Variants in ZNHIT6 observed in about 807,000 individuals in gnomAD.
The protein encoded by ZNHIT6 is zinc finger HIT-type containing 6, also known as box C/D snoRNA protein 1.
In ZNHIT6, 45 loss-of-function variants were observed where a neutral mutation model predicts 57.2. The ratio of observed to expected loss-of-function variants is 0.79; its 90% CI spans 0.62 to 1.01. The LOEUF (loss-of-function observed/expected upper bound fraction) is 1.01, where lower values mean the gene tolerates loss of function less well. ZNHIT6 is among the 50% of genes least tolerant of loss of function. The probability of loss-of-function intolerance (pLI) is 0.00; values close to 1 mark genes in which losing one functional copy is unlikely to be tolerated. For synonymous variants in ZNHIT6, 188 were observed against 190.0 expected (o/e 0.99, Z 0.09); for missense variants, 528 against 567.3 (o/e 0.93, Z 0.70).
Position 85,650,001 on chromosome 1 carries a change from T to C in ZNHIT6, c.*4057A>G, listed in dbSNP as rs1481543660. ...TCTGTTAGTACAAATCAGAAACTTC[T>C]TGCTACTCAAATTCAAACAGGGTGC... On this transcript the variant is annotated 3_prime_UTR_variant, in exon 10 of 10. Transcript: ENST00000370574. 1 of 152,222 alleles carries C rather than the reference T, an allele frequency of 6.6e-6. No individual in the cohort carries two copies. The highest frequency in any genetic ancestry group is 1.9e-4 in the East Asian group (1 of 5,202). 9.4% of individuals were successfully genotyped at this position (152,222 alleles called of 1,614,324 possible).
chr1:85,696,312 C>A (rs543272098), intron 5 of ZNHIT6, among the ~76,000 whole-genome samples: 9 of 151,936 alleles, frequency 5.9e-5, no homozygotes, highest in Non-Finnish European at 1.3e-4. Flanking sequence ...TTAGAAACAC[C>A]AATTTAAAGT....
chr1:85,667,961 A>AAAAAAAAAAAAAAAAAAAAATGTATAT lies in ZNHIT6; in HGVS notation c.1247+9274_1247+9275insATATACATTTTTTTTTTTTTTTTTTTT. The stretch of plus-strand genomic sequence containing the variant: ...ACTCTCTCTTTCAAAAAAAAAAAAA[A>AAAAAAAAAAAAAAAAAAAAATGTATAT]ATATATATATATATATATATATATG... On this transcript the variant is annotated intron_variant, in intron 8 of 9. Transcript: ENST00000370574. Among the ~76,000 whole-genome samples the AAAAAAAAAAAAAAAAAAAAATGTATAT allele has an allele frequency of 1.6e-4, 3 of 18,202 alleles. 1 individual carries two copies. Among genetic ancestry groups the AAAAAAAAAAAAAAAAAAAAATGTATAT allele is most frequent in the African/African-American group, 4.2e-4 (2 of 4,712 alleles). The allele number at this position is 18,202 out of a possible 152,430, so 11.9% of individuals were successfully genotyped here.
In ZNHIT6 at chr1:85,702,139, A is replaced by G; in HGVS notation, c.1019+18T>C. 1 of 1,538,372 alleles carries G rather than the reference A, an allele frequency of 6.5e-7. No individual in the cohort carries two copies. The highest frequency in any genetic ancestry group is 2.3e-5 in the East Asian group (1 of 44,426). ...ATCAAATCAGAATACCTGATATACT[A>G]AAAAGTTAGAAACTTACTTCTTATC... On this transcript the variant is annotated intron_variant, in intron 5 of 9. Coordinates refer to ENST00000370574, the MANE Select transcript of ZNHIT6 (RefSeq NM_017953.4).
intron 5 of ZNHIT6, among the ~76,000 whole-genome samples, chr1:85,690,738 G>A (rs1360077056): frequency 6.6e-6 from 1 of 152,156 alleles, no homozygotes; most frequent in African/African-American, 2.4e-5. Flanking sequence ...AAGTAAAGAT[G>A]TCCTTGGCTG....
chr1:85,688,457 CAGTT>C (rs1347012308), intron 5 of ZNHIT6, among the ~76,000 whole-genome samples: 5 of 152,182 alleles, frequency 3.3e-5, no homozygotes, highest in East Asian at 1.9e-4. Flanking sequence ...AAGTGTATCT[CAGTT>C]ACTTTTTATT....
chr1:85,653,903 T>C lies in ZNHIT6; in HGVS notation c.*155A>G. 3.2e-6 allele frequency: 2 copies of C among 623,268 alleles called. No individual in the cohort carries two copies. Among genetic ancestry groups the C allele is most frequent in the South Asian group, 2.1e-5 (1 of 47,216 alleles). 38.6% of individuals were successfully genotyped at this position (623,268 alleles called of 1,614,324 possible). A position where few individuals can be genotyped will look rare whatever the true frequency, so the allele number is the denominator to read the frequency against. ...ACAAGTCAATTAATTCAAGAGGTTATAAAATACATTTTTTAAAAGAGTTAA... is the reference window on the plus strand; with the variant it reads ...ACAAGTCAATTAATTCAAGAGGTTACAAAATACATTTTTTAAAAGAGTTAA... On this transcript the variant is annotated 3_prime_UTR_variant, in exon 10 of 10. Transcript: ENST00000370574.
chr1:85,657,727 TAGA>T (rs1661100057), intron 9 of ZNHIT6, 117 bp downstream of exon 9: 1 of 916,470 alleles, frequency 1.1e-6, no homozygotes, highest in Non-Finnish European at 1.6e-6. Context: ...AGCTATACAG[TAGA>T]TCCTGTAAGT....
intron 8 of ZNHIT6, among the ~76,000 whole-genome samples, chr1:85,670,926 G>A (rs986717651): frequency 2.0e-5 from 3 of 152,154 alleles, no homozygotes; most frequent in African/African-American, 7.2e-5. Flanking sequence ...AACATTTGTT[G>A]ACTGCTTACT....
intron 8 of ZNHIT6, among the ~76,000 whole-genome samples, chr1:85,664,004 G>C (rs1327345127): frequency 6.6e-6 from 1 of 152,036 alleles, no homozygotes; most frequent in Non-Finnish European, 1.5e-5. Flanking sequence ...TTTCGACCTT[G>C]GAAAATCTGA....
At chr1:85,677,378 G>C (rs1661733893) in intron 7 of ZNHIT6, 65 bp from the exon 8 acceptor site, 1 of 1,320,436 alleles carries the variant, frequency 7.6e-7, no homozygotes, top group Non-Finnish European at 1.1e-6. Flanking sequence ...TAGTCTTATG[G>C]AGACTAAGCA....
intron 5 of ZNHIT6, among the ~76,000 whole-genome samples, chr1:85,701,825 C>A (rs1407323726): frequency 6.6e-6 from 1 of 152,028 alleles, no homozygotes; most frequent in Admixed American, 6.6e-5. Flanking sequence ...GTTAGAAATG[C>A]CCAATATCAA....
Position 85,652,027 on chromosome 1 carries a change from A to G in ZNHIT6, c.*2031T>C, listed in dbSNP as rs1484678914. ...TTGAAAAGTCTAATAGAATTCTAGAAAATAAAGATGGCAAAGATGCATTAG... is the reference window on the plus strand; with the variant it reads ...TTGAAAAGTCTAATAGAATTCTAGAGAATAAAGATGGCAAAGATGCATTAG... On this transcript the variant is annotated 3_prime_UTR_variant, in exon 10 of 10. Transcript: ENST00000370574. 6.6e-6 allele frequency: 1 copy of G among 152,210 alleles called. No homozygotes were observed. The highest frequency in any genetic ancestry group is 1.5e-5 in the Non-Finnish European group (1 of 68,028). The allele number at this position is 152,210 out of a possible 1,614,324, so 9.4% of individuals were successfully genotyped here.
intron 7 of ZNHIT6, 90 bp from the exon 8 acceptor site, chr1:85,677,403 T>C (rs1254603678): frequency 2.2e-6 from 2 of 909,396 alleles, no homozygotes; most frequent in East Asian, 2.7e-5. Flanking sequence ...TACCTAATAA[T>C]ACTTAAAAGT....
chr1:85,661,611 C>G (rs1320648660), intron 8 of ZNHIT6, among the ~76,000 whole-genome samples: 1 of 152,136 alleles, frequency 6.6e-6, no homozygotes, highest in Non-Finnish European at 1.5e-5. Context: ...TTTATTGTCA[C>G]ATTTACTTCC....
chr1:85,657,797 T>C, intron 9 of ZNHIT6, 50 bp downstream of exon 9: 1 of 1,570,128 alleles, frequency 6.4e-7, no homozygotes, highest in Non-Finnish European at 8.6e-7. Flanking sequence ...TATTTTGCTT[T>C]GGTTTCTCTA....
At chr1:85,680,732 C>A in intron 6 of ZNHIT6, 104 bp downstream of exon 6, 2 of 791,042 alleles carry the variant, frequency 2.5e-6, no homozygotes, top group Non-Finnish European at 4.0e-6. Context: ...AAATACACCA[C>A]AATTTAGTTA....
chr1:85,665,219 T>A (rs1661336899), intron 8 of ZNHIT6, among the ~76,000 whole-genome samples: 2 of 152,198 alleles, frequency 1.3e-5, no homozygotes, highest in African/African-American at 4.8e-5. Context: ...TCATATTCTT[T>A]TTTTGCTCAA....
chr1:85,655,693 A>C (rs1400283477), intron 9 of ZNHIT6, among the ~76,000 whole-genome samples: 73 of 152,138 alleles, frequency 4.8e-4, no homozygotes, highest in Non-Finnish European at 1.5e-5. Flanking sequence ...CCTGTGAAGC[A>C]AGTTACACCA....
chr1:85,665,227 C>T (rs546465176), intron 8 of ZNHIT6, among the ~76,000 whole-genome samples: 1 of 152,032 alleles, frequency 6.6e-6, no homozygotes, highest in South Asian at 2.1e-4. Flanking sequence ...TTTTTTTGCT[C>T]AATTTTATTG....
Sources: allele counts gnomAD v4.1 joint callset (sites outside exome capture counted in the v4.1 genomes callset), GRCh38; gene constraint gnomAD v4.1.1; transcripts MANE v1.5; gene names NCBI Gene and HGNC (gene_info 2026-07-23, HGNC 2026-07-21).